N4BP2L2: variants seen among roughly 807,000 people sequenced by gnomAD.
The protein encoded by N4BP2L2 is NEDD4 binding protein 2 like 2, also known as NEDD4-binding protein 2-like 2.
A neutral mutation model predicts 56.2 loss-of-function variants in N4BP2L2; 50 were observed. The observed-to-expected ratio is 0.89, with a 90% confidence interval of 0.71 to 1.13. The LOEUF is 1.13. Among genes scored for constraint, N4BP2L2 ranks in the 50% most tolerant of loss-of-function variants. The pLI, the probability that N4BP2L2 is intolerant of heterozygous loss-of-function variation, is 0.00. For missense variants in N4BP2L2, 689 were observed against 693.8 expected (o/e 0.99, Z 0.08); for synonymous variants, 203 against 223.6 (o/e 0.91, Z 0.82).
chr13:32,494,996 G>A (rs1327437184), intron 6 of N4BP2L2, among the ~76,000 whole-genome samples: 1 of 152,116 alleles, frequency 6.6e-6, no homozygotes, highest in East Asian at 1.9e-4. Context: ...ACAAGTGAGA[G>A]GTCACACTCT....
chr13:32,530,821 G>C (rs2054541391), intron 2 of N4BP2L2, among the ~76,000 whole-genome samples: 1 of 150,842 alleles, frequency 6.6e-6, no homozygotes, highest in African/African-American at 2.4e-5. Flanking sequence ...CAGTATGCTT[G>C]GATTTAGTCC....
chr13:32,436,622 T>C (rs1287523865), intron 8 of N4BP2L2, among the ~76,000 whole-genome samples: 1 of 151,364 alleles, frequency 6.6e-6, no homozygotes, highest in African/African-American at 2.4e-5. Context: ...AAACCCTGTC[T>C]CTACTAAAAA....
At chr13:32,505,317 T>C (rs1680920140), downstream of N4BP2L2, 1 of 152,182 alleles carries the variant, frequency 6.6e-6, no homozygotes, top group Admixed American at 6.5e-5. Flanking sequence ...CCCATCTCTA[T>C]CCTGGCTTCT....
At chr13:32,510,377 A>G (rs1221954334) in exon 6 of N4BP2L2, 3 of 152,144 alleles carry the variant, frequency 2.0e-5, no homozygotes, top group Non-Finnish European at 2.9e-5. Flanking sequence ...AAAGCCTTAC[A>G]GTACAACAGT....
intron 2 of N4BP2L2, among the ~76,000 whole-genome samples, chr13:32,531,421 T>C (rs2054765365): frequency 6.6e-6 from 1 of 152,230 alleles, no homozygotes; most frequent in African/African-American, 2.4e-5. Flanking sequence ...GGTTTTTAAA[T>C]TTCTAAGAAC....
In N4BP2L2 at chr13:32,480,597, G is replaced by T. The variant is rs1401295463; in HGVS notation, c.366-36471C>A. The T allele has an allele frequency of 3.1e-6, 4 of 1,283,080 alleles. No homozygotes were observed. The Admixed American group carries it at 6.9e-5, about 22-fold the overall frequency. The allele number at this position is 1,283,080 out of a possible 1,614,324, so 79.5% of individuals were successfully genotyped here. A position where few individuals can be genotyped will look rare whatever the true frequency, so the allele number is the denominator to read the frequency against. ...TTGGAGTTTCCATCTCACCTGAGTT[G>T]CTGTCTTACTAGGAAACATTTGATA... On this transcript the variant is annotated intron_variant, in intron 6 of 9. Coordinates refer to the N4BP2L2 transcript ENST00000357505.
chr13:32,491,173 T>G lies in N4BP2L2; in HGVS notation c.365+26684A>C, dbSNP rs2086983810. Among the ~76,000 whole-genome samples, 4 of 152,262 alleles carry G rather than the reference T, an allele frequency of 2.6e-5. No homozygotes were observed. In the South Asian group the frequency reaches 8.3e-4, roughly 32 times the overall value. Reference sequence around the variant, plus strand: ...GAAAAGGGGCAGGGTGGTAATTTTTTGCTATTTGGAGGAGGTCTCAAATGA... The same window carrying G: ...GAAAAGGGGCAGGGTGGTAATTTTTGGCTATTTGGAGGAGGTCTCAAATGA... On this transcript the variant is annotated intron_variant, in intron 6 of 9. Transcript: ENST00000357505.
chr13:32,501,164 G>T (rs1286741610), intron 6 of N4BP2L2, among the ~76,000 whole-genome samples: 1 of 152,104 alleles, frequency 6.6e-6, no homozygotes, highest in African/African-American at 2.4e-5. Flanking sequence ...CACTGCACCT[G>T]GCCCACTTTT....
chr13:32,509,688 T>G (rs1302624032), downstream of N4BP2L2, among the ~76,000 whole-genome samples: 1 of 152,202 alleles, frequency 6.6e-6, no homozygotes, highest in Non-Finnish European at 1.5e-5. Flanking sequence ...CTGCCAAGGG[T>G]TACATTGAAC....
At chr13:32,536,656 T>C in exon 2 of N4BP2L2, 2 of 1,614,138 alleles carry the variant, frequency 1.2e-6, no homozygotes, top group Admixed American at 3.3e-5. Context: ...AAATGGGTCC[T>C]ATAAATGCTT....
At chr13:32,469,041 T>C (rs974592657) in intron 6 of N4BP2L2, among the ~76,000 whole-genome samples, 3 of 152,224 alleles carry the variant, frequency 2.0e-5, no homozygotes, top group Non-Finnish European at 4.4e-5. Flanking sequence ...GTGAGTGAGC[T>C]GCTGATGAAA....
chr13:32,436,105 T>C (rs1236859162), intron 9 of N4BP2L2, among the ~76,000 whole-genome samples: 1 of 152,194 alleles, frequency 6.6e-6, no homozygotes, highest in Non-Finnish European at 1.5e-5. Context: ...ATAAAATATG[T>C]TCTAACCAAT....
At chr13:32,494,771 T>C (rs949711406) in intron 6 of N4BP2L2, among the ~76,000 whole-genome samples, 2 of 151,986 alleles carry the variant, frequency 1.3e-5, no homozygotes, top group Non-Finnish European at 2.9e-5. Context: ...TTCTCTAAAG[T>C]CGTTGGCTTG....
chr13:32,501,912 T>C (rs1458401236), intron 6 of N4BP2L2, among the ~76,000 whole-genome samples: 3 of 152,170 alleles, frequency 2.0e-5, no homozygotes, highest in African/African-American at 7.2e-5. Flanking sequence ...GAGAAAACCT[T>C]GCCAGTATTC....
chr13:32,497,146 C>A (rs573354907), intron 6 of N4BP2L2, among the ~76,000 whole-genome samples: 1 of 152,340 alleles, frequency 6.6e-6, no homozygotes, highest in East Asian at 1.9e-4. Flanking sequence ...GATGTATTCA[C>A]TTTCAGAGTG....
chr13:32,450,468 G>A (rs901856632), intron 6 of N4BP2L2, among the ~76,000 whole-genome samples: 1 of 150,792 alleles, frequency 6.6e-6, no homozygotes, highest in African/African-American at 2.4e-5. Context: ...GGGACTACAG[G>A]CGCCTGCAAC....
At chr13:32,532,910 T>C (rs1481481097) in intron 2 of N4BP2L2, among the ~76,000 whole-genome samples, 26 of 144,388 alleles carry the variant, frequency 1.8e-4, no homozygotes, top group South Asian at 1.1e-3. Context: ...AAAAAAAAAA[T>C]AGAGACAGGG....
downstream of N4BP2L2, chr13:32,506,778 G>A (rs2091025203): frequency 6.6e-6 from 1 of 152,098 alleles, no homozygotes; most frequent in African/African-American, 2.4e-5. Context: ...TACAGAAAGT[G>A]AGAAAAATAA....
exon 7 of N4BP2L2, chr13:32,443,120 C>A: frequency 6.2e-7 from 1 of 1,613,076 alleles, no homozygotes; most frequent in African/African-American, 1.3e-5. Context: ...TTTGGTATAT[C>A]CGGTTGAGGT....
Sources: gnomAD v4.1 joint callset for allele counts (sites outside exome capture counted in the v4.1 genomes callset) on GRCh38, gnomAD v4.1.1 for gene constraint, MANE v1.5 for transcripts, NCBI Gene and HGNC (gene_info 2026-07-23, HGNC 2026-07-21) for gene names.